AGBL4: variants seen among roughly 807,000 people sequenced by gnomAD.
AGBL4 encodes AGBL carboxypeptidase 4.
In AGBL4, 58 loss-of-function variants were observed where a neutral mutation model predicts 66.4. The ratio of observed to expected loss-of-function variants is 0.87; its 90% confidence interval spans 0.71 to 1.09. AGBL4 has a LOEUF of 1.09. AGBL4 is among the 50% of genes least tolerant of loss of function. The pLI is 0.00. For missense variants in AGBL4, 579 were observed against 631.0 expected, an observed-to-expected ratio of 0.92 and a Z score of 0.88; for synonymous variants, 234 against 222.9, an observed-to-expected ratio of 1.05 and a Z score of -0.44.
chr1:49,198,860 G>T (rs986582877), intron 4 of AGBL4, among the ~76,000 whole-genome samples: 1 of 150,434 alleles, frequency 6.6e-6, no homozygotes, highest in African/African-American at 2.5e-5. Flanking sequence ...TATTATATTT[G>T]GCCCGTCTAC....
chr1:49,430,650 G>A (rs975297538), intron 3 of AGBL4, among the ~76,000 whole-genome samples: 10 of 152,162 alleles, frequency 6.6e-5, no homozygotes, highest in South Asian at 2.1e-4. Flanking sequence ...AAATTATAAC[G>A]TAGATACAGA....
chr1:49,999,920 C>T (rs1414732776), intron 1 of AGBL4, among the ~76,000 whole-genome samples: 2 of 152,084 alleles, frequency 1.3e-5, no homozygotes, highest in African/African-American at 4.8e-5. Flanking sequence ...CAAAAACCAA[C>T]TAAGATGGAT....
At chr1:49,398,333 T>TCTCTCTCTC (rs1645014062) in intron 3 of AGBL4, among the ~76,000 whole-genome samples, 1 of 143,600 alleles carries the variant, frequency 7.0e-6, no homozygotes, top group African/African-American at 2.6e-5. Flanking sequence ...CTCTCTCTCT[T>TCTCTCTCTC]TCTCTCTCTC....
intron 5 of AGBL4, among the ~76,000 whole-genome samples, chr1:49,005,865 G>C (rs1026414155): frequency 6.6e-6 from 1 of 152,080 alleles, no homozygotes; most frequent in African/African-American, 2.4e-5. Context: ...GCTGGACATG[G>C]TGGTGTGTGC....
chr1:48,702,341 G>C (rs1039890580), intron 6 of AGBL4, among the ~76,000 whole-genome samples: 2 of 151,866 alleles, frequency 1.3e-5, no homozygotes, highest in Non-Finnish European at 1.5e-5. Flanking sequence ...GCCCAGGCTG[G>C]AGTGCAATGA....
chr1:49,103,561 C>T (rs1293940957), intron 4 of AGBL4, among the ~76,000 whole-genome samples: 1 of 152,154 alleles, frequency 6.6e-6, no homozygotes, highest in Non-Finnish European at 1.5e-5. Flanking sequence ...ACGCTGGATT[C>T]GCCTTTGAAG....
chr1:49,195,237 T>A (rs1647205702), intron 4 of AGBL4, among the ~76,000 whole-genome samples: 1 of 152,216 alleles, frequency 6.6e-6, no homozygotes, highest in Non-Finnish European at 1.5e-5. Context: ...TGTAATTGTT[T>A]TATAAGACCT....
intron 3 of AGBL4, among the ~76,000 whole-genome samples, chr1:49,487,254 G>A (rs886476932): frequency 2.6e-5 from 4 of 151,962 alleles, no homozygotes; most frequent in African/African-American, 9.7e-5. Flanking sequence ...AACATTTACA[G>A]TATACTTCCA....
intron 4 of AGBL4, among the ~76,000 whole-genome samples, chr1:49,071,252 G>A (rs1322298251): frequency 6.6e-6 from 1 of 151,772 alleles, no homozygotes; most frequent in Non-Finnish European, 1.5e-5. Flanking sequence ...CTTCAGTTCT[G>A]TTCTGATCTT....
intron 6 of AGBL4, among the ~76,000 whole-genome samples, chr1:48,667,565 G>A (rs1161412589): frequency 1.3e-5 from 2 of 152,210 alleles, no homozygotes; most frequent in African/African-American, 4.8e-5. Context: ...CACAGAAATG[G>A]AGACATAATA....
downstream of AGBL4, among the ~76,000 whole-genome samples, chr1:48,528,136 T>C (rs141448117): frequency 6.6e-6 from 1 of 152,250 alleles, no homozygotes; most frequent in African/African-American, 2.4e-5. Context: ...CTAAATGATT[T>C]ATAAGATGAT....
At chr1:49,907,772 A>C (rs1650420505) in intron 1 of AGBL4, among the ~76,000 whole-genome samples, 2 of 152,164 alleles carry the variant, frequency 1.3e-5, no homozygotes, top group Admixed American at 1.3e-4. Context: ...GCCCAAACTC[A>C]TAAACTGTAC....
intron 5 of AGBL4, among the ~76,000 whole-genome samples, chr1:48,961,559 A>G (rs1335409723): frequency 1.1e-4 from 16 of 152,178 alleles, no homozygotes; most frequent in Admixed American, 1.0e-3. Context: ...AAGGCTGGGG[A>G]TTCTAGGAAG....
At chr1:48,876,041 CA>C (rs1378211056) in intron 5 of AGBL4, among the ~76,000 whole-genome samples, 2 of 152,282 alleles carry the variant, frequency 1.3e-5, no homozygotes, top group African/African-American at 4.8e-5. Context: ...AGCCTCTGCA[CA>C]AGGGAGTGAA....
At position 49,097,458 on chromosome 1, in the gene AGBL4, G is replaced by T. The variant is rs568958351; in HGVS notation, c.378-51658C>A. ...TTATTATATGTGTACTTTTATGTTTGTCTAATATACTTAATTTAAAAAAAC... is the reference window on the plus strand; with the variant it reads ...TTATTATATGTGTACTTTTATGTTTTTCTAATATACTTAATTTAAAAAAAC... On this transcript the variant is annotated intron_variant, in intron 4 of 13. Coordinates refer to ENST00000371839, the MANE Select transcript of AGBL4 (RefSeq NM_032785.4). 3.9e-4 allele frequency among the ~76,000 whole-genome samples: 59 copies of T among 152,246 alleles called. 1 individual carries two copies. The South Asian group carries it at 0.012, about 31-fold the overall frequency.
intron 3 of AGBL4, among the ~76,000 whole-genome samples, chr1:49,484,362 A>G (rs1647019017): frequency 6.6e-6 from 1 of 152,158 alleles, no homozygotes; most frequent in Admixed American, 6.5e-5. Flanking sequence ...ATCCATCAAC[A>G]GAAAAATGGA....
intron 4 of AGBL4, among the ~76,000 whole-genome samples, chr1:49,128,042 T>C (rs1230476350): frequency 6.6e-6 from 1 of 151,640 alleles, no homozygotes; most frequent in Admixed American, 6.6e-5. Flanking sequence ...AATTAGCATA[T>C]AAAAACATTA....
intron 5 of AGBL4, among the ~76,000 whole-genome samples, chr1:48,924,523 C>T (rs1654364089): frequency 6.6e-6 from 1 of 152,054 alleles, no homozygotes; most frequent in African/African-American, 2.4e-5. Context: ...CAGTGAATGA[C>T]AAATTGAAGT....
intron 1 of AGBL4, among the ~76,000 whole-genome samples, chr1:49,948,868 G>A (rs1292064131): frequency 6.6e-6 from 1 of 151,308 alleles, no homozygotes; most frequent in African/African-American, 2.4e-5. Context: ...CCAAAAACGA[G>A]CCCACCAAGT....
Sources: allele counts gnomAD v4.1 joint callset (sites outside exome capture counted in the v4.1 genomes callset), GRCh38; gene constraint gnomAD v4.1.1; transcripts MANE v1.5; gene names NCBI Gene and HGNC (gene_info 2026-07-23, HGNC 2026-07-21).